The following NAA50 variants were observed in gnomAD, a reference collection of about 807,000 sequenced individuals.
The protein encoded by NAA50 is N-alpha-acetyltransferase 50.
In NAA50, 7 loss-of-function variants were observed where a neutral mutation model predicts 20.7. The observed-to-expected ratio is 0.34, with a 90% CI of 0.19 to 0.63. The LOEUF (loss-of-function observed/expected upper bound fraction) is 0.63. Ranked by LOEUF, NAA50 falls within the 30% of genes least tolerant of loss-of-function variation. The pLI, the probability that NAA50 is intolerant of heterozygous loss-of-function variation, is 0.75. For missense variants in NAA50, 111 were observed against 199.1 expected (o/e 0.56, Z 2.66); for synonymous variants, 54 against 70.6 (o/e 0.77, Z 1.18).
chr3:113,727,149 T>A (rs1485074425), intron 1 of NAA50, among the ~76,000 whole-genome samples: 3 of 152,232 alleles, frequency 2.0e-5, no homozygotes. Flanking sequence ...TTACCTACAC[T>A]GTCTCCTGTT....
intron 1 of NAA50, among the ~76,000 whole-genome samples, chr3:113,743,454 A>G (rs774997943): frequency 5.9e-5 from 9 of 152,222 alleles, no homozygotes; most frequent in Non-Finnish European, 1.2e-4. Flanking sequence ...AAAATCGACC[A>G]CACTGTGCAC....
intron 4 of NAA50, among the ~76,000 whole-genome samples, chr3:113,722,641 G>A (rs930006707): frequency 6.6e-6 from 1 of 152,114 alleles, no homozygotes; most frequent in African/African-American, 2.4e-5. Context: ...CTGAAGGCCT[G>A]AGTTTTAATC....
intron 1 of NAA50, chr3:113,741,074 C>A: frequency 1.9e-6 from 1 of 515,150 alleles, no homozygotes; most frequent in South Asian, 1.6e-5. Flanking sequence ...AAGCTGTCCA[C>A]ATACAGCATT....
In NAA50 at chr3:113,746,180, T is replaced by C; in HGVS notation, c.-231A>G. On this transcript the variant is annotated 5_prime_UTR_variant, in exon 1 of 5. Transcript: ENST00000240922. Reference sequence around the variant, plus strand: ...GCTTGTGCCGCCGCTTCTCCACACGTGCACTCGGGTCTCTCGGCTCCCTCC... The same window carrying C: ...GCTTGTGCCGCCGCTTCTCCACACGCGCACTCGGGTCTCTCGGCTCCCTCC... 1.9e-6 allele frequency: 1 copy of C among 528,040 alleles called. No homozygotes were observed. Among genetic ancestry groups the C allele is most frequent in the Non-Finnish European group, 3.3e-6 (1 of 302,646 alleles). The allele number at this position is 528,040 out of a possible 1,614,324, so 32.7% of individuals were successfully genotyped here. A position where few individuals can be genotyped will look rare whatever the true frequency, so the allele number is the denominator to read the frequency against.
intron 1 of NAA50, among the ~76,000 whole-genome samples, chr3:113,728,284 T>C (rs997951761): frequency 3.9e-5 from 6 of 152,188 alleles, no homozygotes; most frequent in African/African-American, 1.4e-4. Flanking sequence ...CTTATGAACA[T>C]AATAGAGTTG....
At position 113,721,582 on chromosome 3, in the gene NAA50, A is replaced by G; in HGVS notation, c.*178T>C. The stretch of plus-strand genomic sequence containing the variant: ...AAGAGAAAACAATTCAAACATGATT[A>G]TTTTTTTAAAGTCCTTGAAAGTATT... On this transcript the variant is annotated 3_prime_UTR_variant, in exon 5 of 5. Coordinates refer to ENST00000240922, the MANE Select transcript of NAA50 (RefSeq NM_025146.4). 1.5e-6 allele frequency: 1 copy of G among 660,028 alleles called. No homozygotes were observed. Among genetic ancestry groups the G allele is most frequent in the Non-Finnish European group, 2.6e-6 (1 of 392,116 alleles). 40.9% of individuals were successfully genotyped at this position (660,028 alleles called of 1,614,324 possible). A position where few individuals can be genotyped will look rare whatever the true frequency, so the allele number is the denominator to read the frequency against.
chr3:113,736,755 C>T lies in NAA50; in HGVS notation c.8+9187G>A, dbSNP rs558855945. Among the ~76,000 whole-genome samples, 14 of 152,238 alleles carry T rather than the reference C, an allele frequency of 9.2e-5. No individual in the cohort carries two copies. In the South Asian group the frequency reaches 1.5e-3, roughly 16 times the overall value. On this transcript the variant is annotated intron_variant, in intron 1 of 4. Transcript: ENST00000240922. ...TGCCCAGGGGCCTTGAACTGCTGGG[C>T]TTAAGTGATCTTCCAGCCTCAGCCT...
chr3:113,735,179 C>T (rs2107992051), intron 1 of NAA50, among the ~76,000 whole-genome samples: 1 of 152,170 alleles, frequency 6.6e-6, no homozygotes, highest in Admixed American at 6.5e-5. Context: ...AGAACAGGAA[C>T]CTACAAAGAT....
chr3:113,734,474 C>T (rs1450904059), intron 1 of NAA50, among the ~76,000 whole-genome samples: 2 of 152,056 alleles, frequency 1.3e-5, no homozygotes, highest in African/African-American at 4.8e-5. Context: ...AAAAGAATCC[C>T]TAACAAAAAA....
rs1205710587 is a variant in NAA50 at position 113,721,940 on chromosome 3, G to A, written c.333-3C>T. 4 of 1,598,176 alleles carry A rather than the reference G, an allele frequency of 2.5e-6. No homozygotes were observed. Among genetic ancestry groups the A allele is most frequent in the Middle Eastern group, 1.7e-4 (1 of 6,002 alleles). ...ACTCATTGCTGATCTGGACATGCCT[G>A]AGATATAAGAGAGTATCAGAAAAAA... On this transcript the variant is annotated splice_region_variant and splice_polypyrimidine_tract_variant and intron_variant, in intron 4 of 4. Coordinates refer to ENST00000240922, the MANE Select transcript of NAA50 (RefSeq NM_025146.4).
intron 1 of NAA50, among the ~76,000 whole-genome samples, chr3:113,734,242 T>G (rs1378446129): frequency 6.6e-6 from 1 of 152,068 alleles, no homozygotes; most frequent in African/African-American, 2.4e-5. Context: ...ATGTGGGAGC[T>G]GAACACTGGG....
At chr3:113,722,741 A>G (rs1010616704) in intron 4 of NAA50, among the ~76,000 whole-genome samples, 165 bp downstream of exon 4, 1 of 152,172 alleles carries the variant, frequency 6.6e-6, no homozygotes, top group Non-Finnish European at 1.5e-5. Context: ...TATTATTAAT[A>G]AAACAAAACT....
chr3:113,745,103 T>C (rs1708472394), intron 1 of NAA50, among the ~76,000 whole-genome samples: 1 of 152,206 alleles, frequency 6.6e-6, no homozygotes, highest in Non-Finnish European at 1.5e-5. Flanking sequence ...ACGTAATTAA[T>C]ACATTAAAAC....
chr3:113,738,145 G>A (rs566430391), intron 1 of NAA50, among the ~76,000 whole-genome samples: 1 of 152,308 alleles, frequency 6.6e-6, no homozygotes, highest in East Asian at 1.9e-4. Context: ...GGTTACTAAT[G>A]CTAAATACAC....
chr3:113,730,585 C>G (rs554572747), intron 1 of NAA50, among the ~76,000 whole-genome samples: 30 of 152,206 alleles, frequency 2.0e-4, no homozygotes, highest in African/African-American at 7.0e-4. Context: ...CTCCCAAAAC[C>G]TCCCACATGA....
At chr3:113,733,470 A>G (rs1708296267) in intron 1 of NAA50, among the ~76,000 whole-genome samples, 1 of 152,180 alleles carries the variant, frequency 6.6e-6, no homozygotes, top group African/African-American at 2.4e-5. Context: ...ACAAGACAGA[A>G]AATAAGTACA....
In NAA50 at chr3:113,718,185, G is replaced by C. The variant is rs1369446152; in HGVS notation, c.*3575C>G. The C allele has an allele frequency of 6.6e-6, 1 of 152,216 alleles. No homozygotes were observed. Among genetic ancestry groups the C allele is most frequent in the African/African-American group, 2.4e-5 (1 of 41,440 alleles). 9.4% of individuals were successfully genotyped at this position (152,216 alleles called of 1,614,324 possible). A position where few individuals can be genotyped will look rare whatever the true frequency, so the allele number is the denominator to read the frequency against. ...CAAGGAACTGAAGCCCAAGAGCCAC[G>C]TGAGCATCAGGCACTGTGTGTGATA... On this transcript the variant is annotated 3_prime_UTR_variant, in exon 5 of 5. Transcript: ENST00000240922.
intron 1 of NAA50, among the ~76,000 whole-genome samples, chr3:113,728,879 C>T (rs1164852475): frequency 6.6e-6 from 1 of 152,218 alleles, no homozygotes; most frequent in African/African-American, 2.4e-5. Flanking sequence ...TGCAGTTTTT[C>T]CTGTCAATTG....
intron 1 of NAA50, among the ~76,000 whole-genome samples, chr3:113,744,712 A>T (rs1363071686): frequency 6.6e-6 from 1 of 152,220 alleles, no homozygotes; most frequent in Non-Finnish European, 1.5e-5. Context: ...ATTAGTACAA[A>T]ACATACAATT....
Sources: allele counts gnomAD v4.1 joint callset (sites outside exome capture counted in the v4.1 genomes callset), GRCh38; gene constraint gnomAD v4.1.1; transcripts MANE v1.5; gene names NCBI Gene and HGNC (gene_info 2026-07-23, HGNC 2026-07-21).